CLEC16A: variants seen among roughly 807,000 people sequenced by gnomAD.
The protein encoded by CLEC16A is C-type lectin domain containing 16A.
In CLEC16A, 51 loss-of-function variants were observed where a neutral mutation model predicts 109.5. That is an observed-to-expected ratio of 0.47 (90% CI 0.37 to 0.59). CLEC16A has a LOEUF of 0.59. Among genes scored for constraint, CLEC16A ranks in the 20% least tolerant of loss-of-function variants. The pLI is 0.00. For synonymous variants in CLEC16A, 673 were observed against 564.2 expected (o/e 1.19, Z -2.73); for missense variants, 1,339 against 1,394.0 (o/e 0.96, Z 0.63).
Position 11,178,767 on chromosome 16 carries a change from T to G in CLEC16A, c.*77T>G. ...AGTGCCGCTGACTGGCAAGACACAC[T>G]GGGAGCACCCACCATTCTGTGCGGC... On this transcript the variant is annotated 3_prime_UTR_variant, in exon 24 of 24. Transcript: ENST00000409790. This position sits in a 1 kb window ranked among gnomAD's most constrained non-coding sequence, Gnocchi z 6.5. The G allele has an allele frequency of 1.7e-6, 2 of 1,154,038 alleles. No homozygotes were observed. Among genetic ancestry groups the G allele is most frequent in the Non-Finnish European group, 2.4e-6 (2 of 843,228 alleles). 71.5% of individuals were successfully genotyped at this position (1,154,038 alleles called of 1,614,324 possible). A position where few individuals can be genotyped will look rare whatever the true frequency, so the allele number is the denominator to read the frequency against.
intron 22 of CLEC16A, chr16:11,156,744 G>A: frequency 9.1e-7 from 1 of 1,098,056 alleles, no homozygotes; most frequent in Non-Finnish European, 1.2e-6. Context: ...TGGGAATCAA[G>A]CCCAGCCCTG....
At chr16:11,100,608 G>T (rs764320172) in intron 19 of CLEC16A, among the ~76,000 whole-genome samples, 4 of 152,096 alleles carry the variant, frequency 2.6e-5, no homozygotes, top group African/African-American at 9.7e-5. Context: ...TTGACCTCCC[G>T]GAAGATAACA....
At chr16:10,990,016 C>T (rs1476182986) in intron 10 of CLEC16A, among the ~76,000 whole-genome samples, 3 of 152,206 alleles carry the variant, frequency 2.0e-5, no homozygotes, top group African/African-American at 7.2e-5. Context: ...CATGATCCCC[C>T]AGCTAATCAG....
intron 15 of CLEC16A, 28 bp downstream of exon 15, chr16:11,042,391 G>T (rs768274216): frequency 6.6e-7 from 1 of 1,516,168 alleles, no homozygotes; most frequent in South Asian, 1.2e-5. Flanking sequence ...CCTCCTTCCT[G>T]TGGGCCAAGG....
At chr16:11,149,274 G>C (rs2054197868) in intron 22 of CLEC16A, among the ~76,000 whole-genome samples, 1 of 152,154 alleles carries the variant, frequency 6.6e-6, no homozygotes, top group Admixed American at 6.5e-5. Flanking sequence ...CCGGTCAGCT[G>C]TTTTGCTATT....
intron 3 of CLEC16A, among the ~76,000 whole-genome samples, chr16:10,964,955 G>A (rs1053123092): frequency 2.0e-5 from 3 of 152,128 alleles, no homozygotes; most frequent in African/African-American, 7.2e-5. Flanking sequence ...TAACACAGTA[G>A]GATGACCTGT....
At chr16:11,133,535 A>G (rs1264877596) in intron 22 of CLEC16A, among the ~76,000 whole-genome samples, 1 of 152,144 alleles carries the variant, frequency 6.6e-6, no homozygotes, top group African/African-American at 2.4e-5. Flanking sequence ...GGAAGAATGC[A>G]GAAATGACAG....
chr16:11,050,685 C>T (rs1032791739), intron 17 of CLEC16A, among the ~76,000 whole-genome samples: 4 of 152,190 alleles, frequency 2.6e-5, no homozygotes, highest in Admixed American at 6.5e-5. Context: ...GGAAAGAGGC[C>T]GTCAGCTCTG....
At chr16:11,102,675 C>G (rs1007414233) in intron 19 of CLEC16A, among the ~76,000 whole-genome samples, 1 of 152,230 alleles carries the variant, frequency 6.6e-6, no homozygotes, top group African/African-American at 2.4e-5. Flanking sequence ...GGCCACACAG[C>G]CTAGTAAGTG....
chr16:11,053,184 C>T (rs992418975), intron 18 of CLEC16A, among the ~76,000 whole-genome samples: 2 of 152,168 alleles, frequency 1.3e-5, no homozygotes, highest in Non-Finnish European at 2.9e-5. Flanking sequence ...TACCACCACA[C>T]CCAGCCCACA....
At chr16:11,057,801 T>C (rs1452046269) in intron 18 of CLEC16A, among the ~76,000 whole-genome samples, 1 of 152,204 alleles carries the variant, frequency 6.6e-6, no homozygotes, top group Non-Finnish European at 1.5e-5. Context: ...GGAGTGTGGT[T>C]GGAAGAACAC....
At chr16:11,114,169 G>T (rs1475574384) in intron 19 of CLEC16A, among the ~76,000 whole-genome samples, 1 of 144,862 alleles carries the variant, frequency 6.9e-6, no homozygotes. Flanking sequence ...GTGTGTGTGT[G>T]TGTGTGTGTT....
In CLEC16A at chr16:11,037,043, C is replaced by T. The variant is rs1183846521; in HGVS notation, c.1538-2711C>T. Among the ~76,000 whole-genome samples the T allele has an allele frequency of 3.3e-5, 5 of 152,258 alleles. No homozygotes were observed. The East Asian group carries it at 7.7e-4, about 23-fold the overall frequency. ...ACAGCAGTCGTGGGGCGGGTAGTTA[C>T]CATAATTATTCCCACTTCACAGGTG... On this transcript the variant is annotated intron_variant, in intron 13 of 23. Transcript: ENST00000409790.
At chr16:11,011,294 C>G (rs1177966719) in intron 11 of CLEC16A, among the ~76,000 whole-genome samples, 2 of 152,194 alleles carry the variant, frequency 1.3e-5, no homozygotes, top group African/African-American at 2.4e-5. Context: ...AAAGTCAGCC[C>G]TTGGCATTCT....
intron 8 of CLEC16A, 106 bp downstream of exon 8, chr16:10,977,505 G>GTTT: frequency 2.2e-6 from 2 of 915,972 alleles, no homozygotes; most frequent in Admixed American, 3.3e-5. Context: ...CAGGACTGAG[G>GTTT]TTTTTTTTTT....
At chr16:10,965,738 C>T (rs1409306564) in intron 3 of CLEC16A, among the ~76,000 whole-genome samples, 3 of 152,314 alleles carry the variant, frequency 2.0e-5, no homozygotes, top group African/African-American at 2.4e-5. Flanking sequence ...CACAGAAAGT[C>T]AGCCACACAG....
intron 22 of CLEC16A, among the ~76,000 whole-genome samples, chr16:11,129,736 C>T (rs2053066136): frequency 1.3e-5 from 2 of 151,442 alleles, no homozygotes; most frequent in African/African-American, 2.4e-5. Flanking sequence ...GGGTTGTCCC[C>T]TCCCGCCACT....
chr16:11,055,446 C>T (rs2048160733), intron 18 of CLEC16A, among the ~76,000 whole-genome samples: 2 of 152,168 alleles, frequency 1.3e-5, no homozygotes, highest in Admixed American at 1.3e-4. Context: ...TGAGATGCCA[C>T]CAAGTGTGGC....
At chr16:11,048,561 C>T (rs1342892357) in intron 17 of CLEC16A, 1 of 152,224 alleles carries the variant, frequency 6.6e-6, no homozygotes, top group East Asian at 1.9e-4. Flanking sequence ...CTTCGCAGCC[C>T]ATTCCCTAGG....
Sources: gnomAD v4.1 joint callset for allele counts (sites outside exome capture counted in the v4.1 genomes callset) on GRCh38, gnomAD v4.1.1 for gene constraint, Gnocchi (gnomAD v3.1) non-coding constraint, MANE v1.5 for transcripts, NCBI Gene and HGNC (gene_info 2026-07-23, HGNC 2026-07-21) for gene names.